The following GRM8 variants were observed in gnomAD, a reference collection of about 807,000 sequenced individuals.
GRM8 encodes glutamate metabotropic receptor 8.
In GRM8, 47 loss-of-function variants were observed where a neutral mutation model predicts 87.2. The observed-to-expected ratio is 0.54, with a 90% CI of 0.43 to 0.69. The LOEUF is 0.69. GRM8 is among the 30% of genes least tolerant of loss of function. The pLI is 0.00. For synonymous variants in GRM8, 396 were observed against 404.5 expected, an observed-to-expected ratio of 0.98 and a Z score of 0.25; for missense variants, 1,019 against 1,139.2, an observed-to-expected ratio of 0.89 and a Z score of 1.52.
intron 8 of GRM8, among the ~76,000 whole-genome samples, chr7:126,575,660 A>G (rs916757109): frequency 6.6e-6 from 1 of 152,162 alleles, no homozygotes; most frequent in Non-Finnish European, 1.5e-5. Flanking sequence ...TTGAATAATC[A>G]GATGTCAATG....
chr7:126,992,151 A>C (rs899228516), intron 3 of GRM8, among the ~76,000 whole-genome samples: 1 of 152,226 alleles, frequency 6.6e-6, no homozygotes, highest in Admixed American at 6.5e-5. Flanking sequence ...GCTTAGTTAC[A>C]AATATACAAA....
intron 3 of GRM8, among the ~76,000 whole-genome samples, chr7:126,920,631 C>T (rs1167780614): frequency 2.6e-5 from 4 of 152,048 alleles, no homozygotes; most frequent in Non-Finnish European, 5.9e-5. Context: ...TCTCTAAAGT[C>T]CCTTCCCTCA....
chr7:126,928,606 A>AG (rs1805400481), intron 3 of GRM8, among the ~76,000 whole-genome samples: 1 of 150,010 alleles, frequency 6.7e-6, no homozygotes, highest in Non-Finnish European at 1.5e-5. Context: ...CAGGAGGTGG[A>AG]GGCTGCAGTG....
intron 9 of GRM8, among the ~76,000 whole-genome samples, chr7:126,478,107 C>T (rs1241140093): frequency 6.6e-6 from 1 of 152,080 alleles, no homozygotes; most frequent in East Asian, 1.9e-4. Flanking sequence ...TTTAGATCTG[C>T]TAAGGCCCCT....
chr7:126,591,451 A>T (rs1796657557), intron 8 of GRM8, among the ~76,000 whole-genome samples: 1 of 152,108 alleles, frequency 6.6e-6, no homozygotes, highest in Non-Finnish European at 1.5e-5. Flanking sequence ...TACTCCACTG[A>T]CAGCATTAGA....
intron 3 of GRM8, among the ~76,000 whole-genome samples, chr7:126,976,792 A>G (rs1400000808): frequency 2.6e-5 from 4 of 152,200 alleles, no homozygotes. Flanking sequence ...CACACTGGTC[A>G]TAGAGAGTAT....
chr7:126,650,984 G>T (rs1013566924), intron 7 of GRM8, among the ~76,000 whole-genome samples: 1 of 152,202 alleles, frequency 6.6e-6, no homozygotes, highest in African/African-American at 2.4e-5. Flanking sequence ...CCCTCAATAT[G>T]GCACCATTCC....
At chr7:126,873,791 G>C (rs978985676) in intron 6 of GRM8, among the ~76,000 whole-genome samples, 7 of 152,074 alleles carry the variant, frequency 4.6e-5, no homozygotes, top group Non-Finnish European at 1.0e-4. Flanking sequence ...GGCTGAGACA[G>C]ATAGAAAATG....
chr7:126,440,147 C>T (rs1023013671), intron 10 of GRM8, among the ~76,000 whole-genome samples: 4 of 151,738 alleles, frequency 2.6e-5, no homozygotes, highest in Admixed American at 6.6e-5. Flanking sequence ...GGTGCAGAGA[C>T]TCACGTCTGT....
chr7:127,180,371 C>CA (rs773356002), intron 2 of GRM8, among the ~76,000 whole-genome samples: 16 of 151,632 alleles, frequency 1.1e-4, no homozygotes, highest in Non-Finnish European at 1.8e-4. Flanking sequence ...ATTACCAACA[C>CA]AAAAAGTCCG....
chr7:127,168,998 T>C (rs1468030939), intron 2 of GRM8, among the ~76,000 whole-genome samples: 1 of 85,752 alleles, frequency 1.2e-5, no homozygotes, highest in Non-Finnish European at 2.8e-5. Flanking sequence ...CTGCAGAAAC[T>C]ATAAAAAAAA....
chr7:126,635,435 T>G (rs1246054051), intron 7 of GRM8, among the ~76,000 whole-genome samples: 1 of 152,164 alleles, frequency 6.6e-6, no homozygotes, highest in East Asian at 1.9e-4. Flanking sequence ...TTAAGAACAT[T>G]AAACTCATAC....
intron 2 of GRM8, among the ~76,000 whole-genome samples, chr7:127,237,302 C>A (rs1023499513): frequency 1.3e-5 from 2 of 152,170 alleles, no homozygotes; most frequent in Admixed American, 1.3e-4. Context: ...TGAGATTGAA[C>A]ATGAAATTTA....
intron 8 of GRM8, among the ~76,000 whole-genome samples, chr7:126,565,283 T>C (rs1411389223): frequency 6.6e-6 from 1 of 152,138 alleles, no homozygotes; most frequent in Admixed American, 6.5e-5. Flanking sequence ...ATTTTATGTA[T>C]AGAAAACTCT....
chr7:126,797,455 TC>T (rs1272168130), intron 6 of GRM8, among the ~76,000 whole-genome samples: 6 of 152,238 alleles, frequency 3.9e-5, no homozygotes, highest in African/African-American at 1.4e-4. Context: ...CATTTCCAAC[TC>T]TATTTTTTTT....
At chr7:126,627,172 C>G (rs1480977788) in intron 7 of GRM8, among the ~76,000 whole-genome samples, 1 of 152,134 alleles carries the variant, frequency 6.6e-6, no homozygotes, top group African/African-American at 2.4e-5. Flanking sequence ...ATACAAAATG[C>G]AGCTAACTTT....
chr7:126,911,300 G>C (rs1479379425), intron 3 of GRM8, among the ~76,000 whole-genome samples: 2 of 152,102 alleles, frequency 1.3e-5, no homozygotes, highest in Admixed American at 1.3e-4. Context: ...TTTAAGGTGA[G>C]AGAATGAGAA....
chr7:127,074,960 G>C (rs1209630483), intron 3 of GRM8, among the ~76,000 whole-genome samples: 2 of 152,198 alleles, frequency 1.3e-5, no homozygotes, highest in African/African-American at 4.8e-5. Context: ...CTCCCAAGCA[G>C]AGTATTCCAA....
chr7:126,523,383 A>G (rs773622139), intron 9 of GRM8, among the ~76,000 whole-genome samples: 9 of 152,112 alleles, frequency 5.9e-5, no homozygotes, highest in Non-Finnish European at 1.5e-5. Context: ...GAATGTACTC[A>G]TATCTCTTGA....
Sources: gnomAD v4.1 joint callset for allele counts (sites outside exome capture counted in the v4.1 genomes callset) on GRCh38, gnomAD v4.1.1 for gene constraint, MANE v1.5 for transcripts, NCBI Gene and HGNC (gene_info 2026-07-23, HGNC 2026-07-21) for gene names.